The following ZNF592 variants were observed in gnomAD, a reference collection of about 807,000 sequenced individuals.
ZNF592 encodes the protein zinc finger protein 592, also known as spinocerebellar ataxia, autosomal recessive 5.
ZNF592 carries 11 observed loss-of-function variants against 80.3 expected under a neutral mutation model. The observed-to-expected ratio is 0.14, with a 90% CI of 0.09 to 0.23. ZNF592 has a LOEUF of 0.23. ZNF592 is among the 10% of genes least tolerant of loss of function. ZNF592 has a pLI of 1.00. For missense variants in ZNF592, 1,420 were observed against 1,633.9 expected (o/e 0.87, Z 2.26); for synonymous variants, 646 against 640.3 (o/e 1.01, Z -0.13).
intron 2 of ZNF592, among the ~76,000 whole-genome samples, chr15:84,765,539 T>TG (rs1433092314): frequency 1.1e-4 from 15 of 138,260 alleles, no homozygotes; most frequent in South Asian, 2.4e-4. Context: ...ATTATTGTTT[T>TG]TTTTTTTTTT....
Position 84,782,995 on chromosome 15 carries a change from G to A in ZNF592, c.320G>A (p.Cys107Tyr). 1 of 1,614,160 alleles carries A rather than the reference G, an allele frequency of 6.2e-7. No homozygotes were observed. Among genetic ancestry groups the A allele is most frequent in the Non-Finnish European group, 8.5e-7 (1 of 1,180,026 alleles). Residue 107 changes from cysteine (C) to tyrosine (Y), a missense_variant, in exon 4 of 11, where the codon TGT (cysteine) becomes TAT (tyrosine). Physicochemically the swap from Cys to Tyr is radical, Grantham distance 194. This residue lies in a region of ZNF592 where 373 missense variants were observed against 355.5 expected (regional missense o/e 1.05). Transcript: ENST00000560079. ...GATCTGCCTCCAGATCCCCACAACTGTGGGAAATTTGATTCTACTTTTATG... is the reference window on the plus strand; with the variant it reads ...GATCTGCCTCCAGATCCCCACAACTATGGGAAATTTGATTCTACTTTTATG... ...GSDLPPDPHN[C>Y]GKFDSTFMNG...
intron 1 of ZNF592, among the ~76,000 whole-genome samples, chr15:84,764,216 CCT>C (rs1181366375): frequency 6.6e-6 from 1 of 152,142 alleles, no homozygotes; most frequent in African/African-American, 2.4e-5. Context: ...GTCTTTCTGT[CCT>C]CTCTGCATGC....
chr15:84,801,989 G>A lies in ZNF592; in HGVS notation c.3400G>A (p.Asp1134Asn), dbSNP rs759602281. ...FQCAKCSFAT[D>N]SGLEFQSHIP... ...GTGCGCGAAATGTAGTTTTGCCACA[G>A]ACTCGGGGCTCGAGTTTCAGAGCCA... Residue 1134 changes from aspartate to asparagine, a missense_variant, in exon 11 of 11, where the codon GAC becomes AAC. Physicochemically the swap from Asp to Asn is conservative, Grantham distance 23. This residue lies in a region of ZNF592 where 145 missense variants were observed against 211.9 expected (regional missense o/e 0.68). Transcript: ENST00000560079. The A allele has an allele frequency of 1.2e-6, 2 of 1,614,024 alleles. No individual in the cohort carries two copies. Among genetic ancestry groups the A allele is most frequent in the Non-Finnish European group, 1.7e-6 (2 of 1,179,886 alleles).
At chr15:84,794,189 A>G (rs1198626545) in intron 5 of ZNF592, among the ~76,000 whole-genome samples, 1 of 152,202 alleles carries the variant, frequency 6.6e-6, no homozygotes, top group Non-Finnish European at 1.5e-5. Context: ...GTGTATACCT[A>G]TGTAACAAAC....
Position 84,799,183 on chromosome 15 carries a change from A to G in ZNF592, c.3110A>G (p.Asp1037Gly), listed in dbSNP as rs1357077308. The change falls in exon 9 of 11, where the codon GAC (aspartate) becomes GGC (glycine). Residue 1037 changes from aspartate (D) to glycine (G), a missense_variant. Coordinates refer to ENST00000560079, the MANE Select transcript of ZNF592 (RefSeq NM_014630.3). The surrounding 1 kb of genome is among the most constrained non-coding windows in gnomAD (Gnocchi z 4.2). ...SLRKHIRNNH[D>G]TVKKFYTCGY... The stretch of plus-strand genomic sequence containing the variant: ...CGCAAACACATCCGCAACAACCATG[A>G]CACAGTAAAGAAGTTCTACACCTGC... 1 of 1,613,988 alleles carries G rather than the reference A, an allele frequency of 6.2e-7. No homozygotes were observed. The highest frequency in any genetic ancestry group is 8.5e-7 in the Non-Finnish European group (1 of 1,180,010).
rs555428423 is a variant in ZNF592, at chr15:84,788,120, G to A, written c.2221-2585G>A. Among the ~76,000 whole-genome samples, 4 of 151,288 alleles carry A rather than the reference G, an allele frequency of 2.6e-5. No individual in the cohort carries two copies. In the South Asian group the frequency reaches 8.4e-4, roughly 32 times the overall value. On this transcript the variant is annotated intron_variant, in intron 4 of 10. Transcript: ENST00000560079. ...TAAAAACTTGATTAGATTCAGGTCA[G>A]TTTTGATGGAGGGTGGGGGTGGAGG...
chr15:84,794,690 T>C (rs1389385629), intron 5 of ZNF592, among the ~76,000 whole-genome samples: 1 of 152,198 alleles, frequency 6.6e-6, no homozygotes, highest in East Asian at 1.9e-4. Flanking sequence ...TTGGTCAGGC[T>C]GGTCTTGAAC....
At position 84,798,618 on chromosome 15, in the gene ZNF592, G is replaced by C. The variant is rs140752402; in HGVS notation, c.2767G>C (p.Glu923Gln). The change falls in exon 8 of 11, where the codon GAG becomes CAG. Residue 923 changes from glutamate to glutamine, a missense_variant. Physicochemically the swap from Glu to Gln is conservative, Grantham distance 29. Around this residue, in one of 7 missense-constraint regions of ZNF592, gnomAD observed 331 missense variants for 347.0 expected, o/e 0.95. Transcript: ENST00000560079. The surrounding 1 kb of genome is among the most constrained non-coding windows in gnomAD (Gnocchi z 4.5). ...STHGVPRNVD[E>Q]LSSLQSSADT... The stretch of plus-strand genomic sequence containing the variant: ...CCACGGTGTTCCCCGAAATGTGGAC[G>C]AGCTGTCAAGCCTCCAGTCTTCAGC... 6.2e-7 allele frequency: 1 copy of C among 1,614,068 alleles called. No homozygotes were observed. The highest frequency in any genetic ancestry group is 8.5e-7 in the Non-Finnish European group (1 of 1,180,024).
intron 1 of ZNF592, 63 bp from the exon 2 acceptor site, chr15:84,764,644 C>G (rs1439249046): frequency 2.5e-6 from 1 of 397,558 alleles, no homozygotes; most frequent in Non-Finnish European, 4.4e-6. Flanking sequence ...AACTATCTTT[C>G]CTTACTCTAA....
intron 1 of ZNF592, among the ~76,000 whole-genome samples, chr15:84,752,797 A>T (rs972413744): frequency 2.0e-5 from 3 of 152,152 alleles, no homozygotes; most frequent in African/African-American, 7.2e-5. Flanking sequence ...GTAGACCAGA[A>T]ATTTAGTTTT....
At position 84,777,694 on chromosome 15, in the gene ZNF592, C is replaced by CCTTTTTTTTTT. The variant is rs1432630650; in HGVS notation, c.-149-489_-149-488insCTTTTTTTTTT. ...GAAAATAATTTCGTCTGTTGAGATA[C>CCTTTTTTTTTT]TTTTTTTTTTTTTTTTTTTTTTTGA... On this transcript the variant is annotated intron_variant, in intron 2 of 10. Coordinates refer to ENST00000560079, the MANE Select transcript of ZNF592 (RefSeq NM_014630.3). Among the ~76,000 whole-genome samples, 6 of 98,414 alleles carry CCTTTTTTTTTT rather than the reference C, an allele frequency of 6.1e-5. 3 individuals are homozygous for CCTTTTTTTTTT. Among genetic ancestry groups the CCTTTTTTTTTT allele is most frequent in the Non-Finnish European group, 4.0e-5 (2 of 50,148 alleles). 64.6% of individuals were successfully genotyped at this position (98,414 alleles called of 152,430 possible). A position where few individuals can be genotyped will look rare whatever the true frequency, so the allele number is the denominator to read the frequency against.
At chr15:84,791,677 A>G (rs1030526889) in intron 5 of ZNF592, among the ~76,000 whole-genome samples, 28 of 152,262 alleles carry the variant, frequency 1.8e-4, no homozygotes, top group Admixed American at 1.7e-3. Flanking sequence ...GGTTACAAAC[A>G]TAAGAACATA....
At chr15:84,754,747 CTCA>C (rs1439499283) in intron 1 of ZNF592, among the ~76,000 whole-genome samples, 21 of 149,616 alleles carry the variant, frequency 1.4e-4, no homozygotes, top group Non-Finnish European at 2.1e-4. Context: ...CTCCCTTTCT[CTCA>C]TCAACACACT....
chr15:84,748,798 G>A (rs941355860), intron 1 of ZNF592, 134 bp downstream of exon 1: 1 of 147,000 alleles, frequency 6.8e-6, no homozygotes, highest in East Asian at 2.0e-4. Flanking sequence ...GGCGGACCCT[G>A]GCCGCCGCCA....
chr15:84,801,850 T>C lies in ZNF592; in HGVS notation c.3274-13T>C, dbSNP rs1315975653. 2 of 1,613,836 alleles carry C rather than the reference T, an allele frequency of 1.2e-6. No individual in the cohort carries two copies. The highest frequency in any genetic ancestry group is 1.7e-6 in the Non-Finnish European group (2 of 1,179,870). On this transcript the variant is annotated splice_polypyrimidine_tract_variant and intron_variant, in intron 10 of 10. Coordinates refer to ENST00000560079, the MANE Select transcript of ZNF592 (RefSeq NM_014630.3). ...CTTGGCCTGGACTTTGCTCATGCTG[T>C]CTCTCCTTTTAGGTGAACCATCTGA...
Position 84,798,726 on chromosome 15 carries a change from C to T in ZNF592, c.2875C>T (p.Pro959Ser), listed in dbSNP as rs1963003576. Residue 959 changes from proline (P) to serine (S), a missense_variant, in exon 8 of 11, where the codon CCT (proline) becomes TCT (serine). Pro to Ser is a moderately conservative substitution (Grantham distance 74). This residue lies in a region of ZNF592 where 331 missense variants were observed against 347.0 expected (regional missense o/e 0.95). Coordinates refer to ENST00000560079, the MANE Select transcript of ZNF592 (RefSeq NM_014630.3). The surrounding 1 kb of genome is among the most constrained non-coding windows in gnomAD (Gnocchi z 4.5). ...TSVAARSSSL[P>S]SGRWGRPEAH... ...TGTGGCTGCTCGGAGCAGCTCCCTG[C>T]CTTCTGGCCGCTGGGGTAGGCCTGA... The T allele has an allele frequency of 1.2e-6, 2 of 1,611,776 alleles. No individual in the cohort carries two copies. Among genetic ancestry groups the T allele is most frequent in the Non-Finnish European group, 8.5e-7 (1 of 1,180,002 alleles).
intron 2 of ZNF592, among the ~76,000 whole-genome samples, chr15:84,770,645 A>G: frequency 6.6e-6 from 1 of 152,122 alleles, no homozygotes; most frequent in Non-Finnish European, 1.5e-5. Flanking sequence ...TGTATAAAAA[A>G]TGAAGAGTTT....
chr15:84,801,610 T>C lies in ZNF592; in HGVS notation c.3274-253T>C, dbSNP rs59384410. On this transcript the variant is annotated intron_variant, in intron 10 of 10. Coordinates refer to ENST00000560079, the MANE Select transcript of ZNF592 (RefSeq NM_014630.3). Reference sequence around the variant, plus strand: ...GGAGGAGCCACAAACCCAGGTAATATGTTCTTTGGAGAGCAGGTCTGGGGA... The same window carrying C: ...GGAGGAGCCACAAACCCAGGTAATACGTTCTTTGGAGAGCAGGTCTGGGGA... Among the ~76,000 whole-genome samples the C allele has an allele frequency of 9.4e-3, 1,429 of 152,336 alleles. 26 individuals carry two copies. Among genetic ancestry groups the C allele is most frequent in the African/African-American group, 0.033 (1,380 of 41,570 alleles).
chr15:84,797,805 A>G, intron 5 of ZNF592, 64 bp from the exon 6 acceptor site: 1 of 1,585,874 alleles, frequency 6.3e-7, no homozygotes, highest in Non-Finnish European at 8.7e-7. Flanking sequence ...CTCTTGCAGC[A>G]CCACCTCTGG....
Sources: gnomAD v4.1 joint callset for allele counts (sites outside exome capture counted in the v4.1 genomes callset) on GRCh38, gnomAD v4.1.1 for gene constraint, gnomAD v4.1.1 regional missense constraint, Gnocchi (gnomAD v3.1) non-coding constraint, MANE v1.5 for transcripts, NCBI Gene and HGNC (gene_info 2026-07-23, HGNC 2026-07-21) for gene names.